NCALD: variants seen among roughly 807,000 people sequenced by gnomAD.
The protein encoded by NCALD is neurocalcin delta, also known as neurocalcin-delta.
In NCALD, 10 loss-of-function variants were observed where a neutral mutation model predicts 18.6. The ratio of observed to expected loss-of-function variants is 0.54; its 90% CI spans 0.33 to 0.91. The LOEUF is 0.91. NCALD is among the 40% of genes least tolerant of loss of function. The pLI is 0.03. For synonymous variants in NCALD, 88 were observed against 87.4 expected (o/e 1.01, Z -0.04); for missense variants, 184 against 247.6 (o/e 0.74, Z 1.72).
chr8:101,934,057 C>A (rs1009742763), intron 2 of NCALD, among the ~76,000 whole-genome samples: 1 of 152,130 alleles, frequency 6.6e-6, no homozygotes, highest in African/African-American at 2.4e-5. Context: ...GAAATACAAT[C>A]TCAGTTAGAT....
intron 4 of NCALD, among the ~76,000 whole-genome samples, chr8:101,842,316 T>C (rs1405880069): frequency 1.3e-5 from 2 of 148,828 alleles, no homozygotes; most frequent in East Asian, 2.0e-4. Context: ...AATTCACACA[T>C]ACCAAGGAGA....
intron 4 of NCALD, among the ~76,000 whole-genome samples, chr8:101,804,473 ATT>A: frequency 8.4e-6 from 1 of 119,420 alleles, no homozygotes; most frequent in African/African-American, 4.4e-5. Context: ...TATAACAAAG[ATT>A]ATTATATAAT....
Position 101,804,884 on chromosome 8 carries a change from T to C in NCALD, c.-20+82257A>G, listed in dbSNP as rs185947220. Among the ~76,000 whole-genome samples the C allele has an allele frequency of 7.4e-3, 1,116 of 151,516 alleles. 10 individuals are homozygous for C. The highest frequency in any genetic ancestry group is 0.031 in the Middle Eastern group (9 of 294). On this transcript the variant is annotated intron_variant, in intron 4 of 6. Coordinates refer to the NCALD transcript ENST00000311028. ...CAGTGGGCTGGAATCAAACCTGCAA[T>C]ACCTCTGAGAAATGCCTGTACACTG...
chr8:101,897,517 A>T (rs76238159), intron 3 of NCALD, among the ~76,000 whole-genome samples: 4 of 129,408 alleles, frequency 3.1e-5, no homozygotes, highest in African/African-American at 1.1e-4. Flanking sequence ...AAAGTATAAT[A>T]AAAAAAAAAG....
At chr8:102,112,729 G>A (rs746873606) in intron 1 of NCALD, among the ~76,000 whole-genome samples, 51 of 152,170 alleles carry the variant, frequency 3.4e-4, no homozygotes, top group South Asian at 2.1e-4. Context: ...GGTCGTGGGG[G>A]TGGGTGCCTC....
At chr8:102,046,452 T>A (rs1823242836) in intron 1 of NCALD, among the ~76,000 whole-genome samples, 1 of 152,220 alleles carries the variant, frequency 6.6e-6, no homozygotes, top group African/African-American at 2.4e-5. Flanking sequence ...AATCTTCTAG[T>A]CATTTTTTAT....
At chr8:102,007,496 T>C (rs1186781475) in intron 2 of NCALD, among the ~76,000 whole-genome samples, 1 of 152,198 alleles carries the variant, frequency 6.6e-6, no homozygotes, top group Non-Finnish European at 1.5e-5. Context: ...TTGGAAAATG[T>C]TAGCTCTGGT....
At chr8:102,075,321 C>T (rs1824308463) in intron 1 of NCALD, among the ~76,000 whole-genome samples, 1 of 152,122 alleles carries the variant, frequency 6.6e-6, no homozygotes, top group Admixed American at 6.5e-5. Flanking sequence ...TATAGGATTA[C>T]ATTTACATAA....
At chr8:102,071,839 A>T (rs1824187134) in intron 1 of NCALD, among the ~76,000 whole-genome samples, 1 of 152,222 alleles carries the variant, frequency 6.6e-6, no homozygotes, top group African/African-American at 2.4e-5. Flanking sequence ...ATAATGAAAG[A>T]AGACCTACAT....
intron 4 of NCALD, chr8:101,872,247 A>G (rs1033212498): frequency 9.8e-6 from 14 of 1,425,652 alleles, no homozygotes; most frequent in Middle Eastern, 4.8e-4. Flanking sequence ...CTTGAACATA[A>G]TACTTCCCTG....
intron 1 of NCALD, among the ~76,000 whole-genome samples, chr8:102,043,112 CT>C (rs1460251033): frequency 6.6e-6 from 1 of 151,866 alleles, no homozygotes; most frequent in African/African-American, 2.4e-5. Flanking sequence ...ATAACCTCAC[CT>C]CTCACACAAG....
At chr8:102,055,811 T>C (rs1823629070) in intron 1 of NCALD, among the ~76,000 whole-genome samples, 1 of 152,234 alleles carries the variant, frequency 6.6e-6, no homozygotes, top group South Asian at 2.1e-4. Context: ...CTTCCTCAGC[T>C]TTCTTATTGT....
intron 4 of NCALD, among the ~76,000 whole-genome samples, chr8:101,858,113 T>C (rs579607): frequency 0.33 from 49,452 of 151,948 alleles, 9,258 homozygotes; most frequent in African/African-American, 0.5. Flanking sequence ...TCATTGGTAT[T>C]GTTTTCCAGC....
At chr8:101,765,346 G>A (rs897630847) in intron 1 of NCALD, among the ~76,000 whole-genome samples, 4 of 152,146 alleles carry the variant, frequency 2.6e-5, no homozygotes, top group Admixed American at 6.5e-5. Flanking sequence ...TAAACTGAGC[G>A]GGGCAATGTT....
At chr8:102,049,267 A>G (rs1481768455) in intron 1 of NCALD, among the ~76,000 whole-genome samples, 3 of 152,216 alleles carry the variant, frequency 2.0e-5, no homozygotes, top group Non-Finnish European at 4.4e-5. Flanking sequence ...AACTTTCCAC[A>G]TGCACAGATT....
chr8:101,893,701 A>C (rs1239051626), intron 3 of NCALD, among the ~76,000 whole-genome samples: 4 of 131,794 alleles, frequency 3.0e-5, no homozygotes, highest in Non-Finnish European at 6.2e-5. Context: ...AAAAAAAGGC[A>C]GGGGTTGCAA....
Position 101,689,521 on chromosome 8 carries a change from C to A in NCALD, c.485-115G>T. 1 of 751,098 alleles carries A rather than the reference C, an allele frequency of 1.3e-6. No individual in the cohort carries two copies. The highest frequency in any genetic ancestry group is 2.3e-6 in the Non-Finnish European group (1 of 443,166). The allele number at this position is 751,098 out of a possible 1,614,324, so 46.5% of individuals were successfully genotyped here. On this transcript the variant is annotated intron_variant, in intron 3 of 3. Coordinates refer to ENST00000220931, the MANE Select transcript of NCALD (RefSeq NM_032041.3). This position sits in a 1 kb window ranked among gnomAD's most constrained non-coding sequence, Gnocchi z 4.4. ...TCACCTGCCTGCAGCCTCACTGCCACTGTGACACACAGCACTCACCTGTCC... is the reference window on the plus strand; with the variant it reads ...TCACCTGCCTGCAGCCTCACTGCCAATGTGACACACAGCACTCACCTGTCC...
At chr8:101,868,342 C>T (rs1586661089) in intron 4 of NCALD, among the ~76,000 whole-genome samples, 1 of 152,130 alleles carries the variant, frequency 6.6e-6, no homozygotes, top group East Asian at 1.9e-4. Context: ...TACCAGGGAT[C>T]CCGGAATTCC....
At chr8:101,950,814 A>C (rs1563926444) in intron 2 of NCALD, among the ~76,000 whole-genome samples, 3 of 152,244 alleles carry the variant, frequency 2.0e-5, no homozygotes, top group Admixed American at 1.3e-4. Flanking sequence ...AGCCCAACCA[A>C]GCTCAGACGA....
Sources: gnomAD v4.1 joint callset for allele counts (sites outside exome capture counted in the v4.1 genomes callset) on GRCh38, gnomAD v4.1.1 for gene constraint, Gnocchi (gnomAD v3.1) non-coding constraint, MANE v1.5 for transcripts, NCBI Gene and HGNC (gene_info 2026-07-23, HGNC 2026-07-21) for gene names.